The following CNTN5 variants were observed in gnomAD, a reference collection of about 807,000 sequenced individuals.
CNTN5 encodes the protein contactin 5, also known as contactin-5.
In CNTN5, 77 loss-of-function variants were observed where a neutral mutation model predicts 129.1. That is an observed-to-expected ratio of 0.60 (90% CI 0.50 to 0.72). The LOEUF (loss-of-function observed/expected upper bound fraction) is 0.72. CNTN5 is among the 30% of genes least tolerant of loss of function. CNTN5 has a pLI of 0.00. For synonymous variants in CNTN5, 509 were observed against 465.6 expected (o/e 1.09, Z -1.20); for missense variants, 1,478 against 1,328.8 (o/e 1.11, Z -1.75).
At chr11:100,217,229 A>G (rs552065352) in intron 15 of CNTN5, among the ~76,000 whole-genome samples, 1 of 136,732 alleles carries the variant, frequency 7.3e-6, no homozygotes, top group East Asian at 2.2e-4. Context: ...ATCAAGTATG[A>G]TAAAAAGATA....
chr11:99,182,219 T>C lies in CNTN5; in HGVS notation c.-209-143127T>C, dbSNP rs117207815. Reference sequence around the variant, plus strand: ...CCATTAATTTTTCATATTTTAATACTATTAGTTTGAAAATGAGCATTTGAT... The same window carrying C: ...CCATTAATTTTTCATATTTTAATACCATTAGTTTGAAAATGAGCATTTGAT... On this transcript the variant is annotated intron_variant, in intron 1 of 24. Transcript: ENST00000524871. Among the ~76,000 whole-genome samples, 51 of 152,322 alleles carry C rather than the reference T, an allele frequency of 3.3e-4. No homozygotes were observed. The East Asian group carries it at 7.3e-3, about 22-fold the overall frequency.
intron 9 of CNTN5, among the ~76,000 whole-genome samples, chr11:100,053,059 T>C (rs900374036): frequency 2.0e-5 from 3 of 151,748 alleles, no homozygotes; most frequent in African/African-American, 4.8e-5. Context: ...TAAACTTAAA[T>C]TGGATCATAG....
At chr11:99,542,114 C>T (rs1195751907) in intron 2 of CNTN5, among the ~76,000 whole-genome samples, 2 of 151,848 alleles carry the variant, frequency 1.3e-5, no homozygotes, top group Admixed American at 6.6e-5. Context: ...TACATTAATA[C>T]ATTGTGTAAT....
intron 1 of CNTN5, among the ~76,000 whole-genome samples, chr11:99,304,297 A>G (rs961856943): frequency 2.0e-5 from 3 of 152,154 alleles, no homozygotes; most frequent in African/African-American, 7.2e-5. Flanking sequence ...GTCTCATATT[A>G]CAGAGTTACT....
At chr11:99,205,485 T>C (rs1859433788) in intron 1 of CNTN5, among the ~76,000 whole-genome samples, 1 of 152,192 alleles carries the variant, frequency 6.6e-6, no homozygotes, top group Non-Finnish European at 1.5e-5. Context: ...TCTTCTGTTT[T>C]ACTGGATCAC....
intron 2 of CNTN5, among the ~76,000 whole-genome samples, chr11:99,329,545 G>T (rs1865918762): frequency 6.6e-6 from 1 of 152,052 alleles, no homozygotes; most frequent in South Asian, 2.1e-4. Context: ...AACATAAGAA[G>T]GGCTCTATCT....
At chr11:99,602,426 G>A (rs1444021242) in intron 3 of CNTN5, among the ~76,000 whole-genome samples, 1 of 152,038 alleles carries the variant, frequency 6.6e-6, no homozygotes, top group African/African-American at 2.4e-5. Context: ...CAAGTGTTAG[G>A]TGAGCCAAGA....
intron 2 of CNTN5, among the ~76,000 whole-genome samples, chr11:99,342,790 A>G (rs1050316635): frequency 6.6e-6 from 1 of 151,906 alleles, no homozygotes; most frequent in Non-Finnish European, 1.5e-5. Flanking sequence ...TTCAAGTGTT[A>G]TTATACTGTT....
chr11:99,303,835 C>T (rs1864752006), intron 1 of CNTN5, among the ~76,000 whole-genome samples: 1 of 152,072 alleles, frequency 6.6e-6, no homozygotes, highest in African/African-American at 2.4e-5. Context: ...AGGACATCAC[C>T]TCATTCCCAC....
intron 24 of CNTN5, 47 bp from the exon 25 acceptor site, chr11:100,356,070 A>G (rs1952516260): frequency 3.0e-6 from 4 of 1,353,998 alleles, no homozygotes; most frequent in African/African-American, 1.5e-5. Flanking sequence ...TCCTAGCTCA[A>G]GCAAAACCAA....
chr11:100,340,566 TA>T lies in CNTN5; in HGVS notation c.2835del (p.Leu945PhefsTer6). ...CTAACAGGATTAGAAGGAAATACGT[TA>T]TATCACTTCACAGTGAGGGCTTACA... ...VILTGLEGNT[L>X]YHFTVRAYNG... On this transcript the variant is annotated frameshift_variant, in exon 22 of 25. Transcript: ENST00000524871. LOFTEE classifies it high-confidence loss of function. 1 of 1,613,290 alleles carries T rather than the reference TA, an allele frequency of 6.2e-7. No homozygotes were observed. The highest frequency in any genetic ancestry group is 8.5e-7 in the Non-Finnish European group (1 of 1,179,494).
chr11:99,711,812 C>T (rs190995103), intron 3 of CNTN5, among the ~76,000 whole-genome samples: 1 of 152,130 alleles, frequency 6.6e-6, no homozygotes, highest in East Asian at 1.9e-4. Flanking sequence ...GACATGAACT[C>T]ATCCTTTTTT....
At chr11:99,332,657 A>G (rs1012810740) in intron 2 of CNTN5, among the ~76,000 whole-genome samples, 13 of 152,206 alleles carry the variant, frequency 8.5e-5, no homozygotes, top group Admixed American at 3.3e-4. Context: ...GTAAATAAGG[A>G]GAATTGGCAA....
At chr11:99,333,384 T>C (rs957177899) in intron 2 of CNTN5, among the ~76,000 whole-genome samples, 1 of 151,972 alleles carries the variant, frequency 6.6e-6, no homozygotes. Context: ...ACTTATAAAT[T>C]CTCATGCATT....
At chr11:100,050,031 T>C (rs1942873709) in intron 9 of CNTN5, among the ~76,000 whole-genome samples, 1 of 152,226 alleles carries the variant, frequency 6.6e-6, no homozygotes, top group African/African-American at 2.4e-5. Flanking sequence ...TTAGTGGGAC[T>C]GTAAACTAGT....
chr11:99,216,020 C>G (rs1214013794), intron 1 of CNTN5, among the ~76,000 whole-genome samples: 1 of 152,166 alleles, frequency 6.6e-6, no homozygotes, highest in African/African-American at 2.4e-5. Context: ...GTTACAGAAA[C>G]ACTGCAATAT....
intron 7 of CNTN5, among the ~76,000 whole-genome samples, chr11:99,955,544 C>A (rs990711909): frequency 3.9e-5 from 6 of 151,936 alleles, no homozygotes; most frequent in Admixed American, 6.6e-5. Flanking sequence ...AATTCTCAGG[C>A]TTCTGCTAAA....
intron 3 of CNTN5, among the ~76,000 whole-genome samples, chr11:99,556,665 G>A (rs1948684425): frequency 7.0e-6 from 1 of 142,768 alleles, no homozygotes; most frequent in Admixed American, 7.2e-5. Context: ...AAATAATTAT[G>A]TATTTTATAG....
chr11:100,102,338 A>C (rs1347151192), intron 13 of CNTN5, among the ~76,000 whole-genome samples: 3 of 151,942 alleles, frequency 2.0e-5, no homozygotes, highest in Admixed American at 6.6e-5. Context: ...ATTTTTAAAA[A>C]TATTTGTTGG....
Sources: allele counts gnomAD v4.1 joint callset (sites outside exome capture counted in the v4.1 genomes callset), GRCh38; gene constraint gnomAD v4.1.1; transcripts MANE v1.5; gene names NCBI Gene and HGNC (gene_info 2026-07-23, HGNC 2026-07-21).